GUCY2C: variants seen among roughly 807,000 people sequenced by gnomAD.
GUCY2C encodes guanylate cyclase 2C.
Under a neutral mutation model 131.1 loss-of-function variants are expected in GUCY2C, and 118 were observed. That is an observed-to-expected ratio of 0.90 (90% CI 0.78 to 1.05). The LOEUF (loss-of-function observed/expected upper bound fraction) is 1.05. Among genes scored for constraint, GUCY2C ranks in the 50% least tolerant of loss-of-function variants. GUCY2C has a pLI of 0.00. For synonymous variants in GUCY2C, 452 were observed against 457.8 expected (o/e 0.99, Z 0.16); for missense variants, 1,161 against 1,304.4 (o/e 0.89, Z 1.69).
chr12:14,616,952 A>G (rs1406268342), intron 24 of GUCY2C, among the ~76,000 whole-genome samples: 1 of 152,184 alleles, frequency 6.6e-6, no homozygotes, highest in African/African-American at 2.4e-5. Flanking sequence ...TTTAATCCCC[A>G]GTGCTGGAGT....
intron 1 of GUCY2C, among the ~76,000 whole-genome samples, chr12:14,694,896 G>A (rs1948630206): frequency 6.6e-6 from 1 of 152,090 alleles, no homozygotes; most frequent in African/African-American, 2.4e-5. Flanking sequence ...AAATGAAAAT[G>A]TTCATTGAAG....
At chr12:14,635,329 A>G (rs1378871292) in intron 19 of GUCY2C, among the ~76,000 whole-genome samples, 8 of 152,208 alleles carry the variant, frequency 5.3e-5, no homozygotes, top group Non-Finnish European at 1.2e-4. Context: ...AACTACACAA[A>G]TACATAAAAA....
At position 14,624,252 on chromosome 12, in the gene GUCY2C, C is replaced by G. The variant is rs775770370; in HGVS notation, c.2408+1505G>C. ...GGTCAGGAGTTCGAGACCAGTCTGG[C>G]CAACATGGTGAAACCCCCTCTCTAC... On this transcript the variant is annotated intron_variant, in intron 21 of 26. Coordinates refer to ENST00000261170, the MANE Select transcript of GUCY2C (RefSeq NM_004963.4). Among the ~76,000 whole-genome samples, 7 of 152,170 alleles carry G rather than the reference C, an allele frequency of 4.6e-5. No homozygotes were observed. The South Asian group carries it at 1.5e-3, about 32-fold the overall frequency.
chr12:14,686,815 A>C (rs754904014), intron 2 of GUCY2C, among the ~76,000 whole-genome samples: 1 of 152,126 alleles, frequency 6.6e-6, no homozygotes, highest in Non-Finnish European at 1.5e-5. Context: ...AGTTTATTGA[A>C]CTATGCTTGT....
intron 3 of GUCY2C, among the ~76,000 whole-genome samples, chr12:14,685,901 C>G (rs1948458939): frequency 6.6e-6 from 1 of 152,124 alleles, no homozygotes; most frequent in African/African-American, 2.4e-5. Context: ...TTCCTGCTTT[C>G]TCTCAAAACT....
chr12:14,675,607 T>C (rs1383344213), intron 7 of GUCY2C, among the ~76,000 whole-genome samples: 1 of 152,186 alleles, frequency 6.6e-6, no homozygotes, highest in Non-Finnish European at 1.5e-5. Flanking sequence ...GATTGGATAT[T>C]ACTTCATGCC....
chr12:14,661,200 G>T, intron 10 of GUCY2C, 138 bp from the exon 11 acceptor site: 1 of 615,324 alleles, frequency 1.6e-6, no homozygotes, highest in Non-Finnish European at 2.9e-6. Flanking sequence ...TTTCTCTCTG[G>T]TAATATAAGT....
intron 5 of GUCY2C, 84 bp downstream of exon 5, chr12:14,681,272 G>T: frequency 8.3e-7 from 1 of 1,207,746 alleles, no homozygotes; most frequent in Non-Finnish European, 1.2e-6. Context: ...CTCTGCAGTG[G>T]AGGATTTGTT....
At chr12:14,647,547 A>G (rs1336829711) in intron 15 of GUCY2C, among the ~76,000 whole-genome samples, 1 of 152,172 alleles carries the variant, frequency 6.6e-6, no homozygotes, top group Non-Finnish European at 1.5e-5. Flanking sequence ...TTCAGCTTCC[A>G]AAAGTTTAAC....
chr12:14,658,177 G>T (rs1475611684), intron 11 of GUCY2C, among the ~76,000 whole-genome samples: 2 of 151,738 alleles, frequency 1.3e-5, no homozygotes, highest in African/African-American at 4.8e-5. Context: ...TCTTATCCTT[G>T]TTAACTTACA....
At position 14,613,459 on chromosome 12, in the gene GUCY2C, T is replaced by A. The variant is rs1256035570; in HGVS notation, c.3048-168A>T. On this transcript the variant is annotated intron_variant, in intron 26 of 26. Coordinates refer to ENST00000261170, the MANE Select transcript of GUCY2C (RefSeq NM_004963.4). This position sits in a 1 kb window ranked among gnomAD's most constrained non-coding sequence, Gnocchi z 4.9. ...AAATGATCCCTGCCTTTGATGAGCT[T>A]AAAAAACTGTTATCTCTGCTAGGAA... Among the ~76,000 whole-genome samples the A allele has an allele frequency of 6.6e-6, 1 of 152,096 alleles. No homozygotes were observed. Among genetic ancestry groups the A allele is most frequent in the Non-Finnish European group, 1.5e-5 (1 of 67,996 alleles).
intron 15 of GUCY2C, among the ~76,000 whole-genome samples, chr12:14,650,329 C>T (rs1010511523): frequency 1.3e-5 from 2 of 152,152 alleles, no homozygotes; most frequent in African/African-American, 4.8e-5. Flanking sequence ...CTCACTGCAA[C>T]CTCTGACTCC....
intron 1 of GUCY2C, among the ~76,000 whole-genome samples, chr12:14,696,031 C>G (rs749041527): frequency 2.0e-5 from 3 of 152,114 alleles, no homozygotes; most frequent in Non-Finnish European, 2.9e-5. Flanking sequence ...AGTCCCAGAG[C>G]AAGGTGAAGT....
intron 19 of GUCY2C, among the ~76,000 whole-genome samples, chr12:14,637,195 C>CAAA (rs1947288272): frequency 9.6e-5 from 1 of 10,428 alleles, no homozygotes; most frequent in Admixed American, 1.4e-3. Context: ...ACAATAGCTA[C>CAAA]CAAAAAAAAA....
intron 23 of GUCY2C, 180 bp from the exon 24 acceptor site, chr12:14,619,489 A>G: frequency 1.8e-6 from 1 of 540,868 alleles, no homozygotes; most frequent in Non-Finnish European, 3.3e-6. Flanking sequence ...ATGAAGCATC[A>G]TTATTCAATG....
intron 24 of GUCY2C, among the ~76,000 whole-genome samples, chr12:14,617,425 G>A (rs922319274): frequency 1.3e-5 from 2 of 152,128 alleles, no homozygotes; most frequent in South Asian, 2.1e-4. Flanking sequence ...AGTAGCCTGC[G>A]GGACCTAGTT....
chr12:14,621,189 C>CCA lies in GUCY2C; in HGVS notation c.2627_2628dup (p.Val877TrpfsTer16). On this transcript the variant is annotated frameshift_variant, in exon 23 of 27. Transcript: ENST00000261170. LOFTEE classifies it high-confidence loss of function. ...TTTCTCTTAGGCAAACCACTAGCCA[C>CCA]CATGTACGCATCACCGATGGTTTCC... 1.2e-6 allele frequency: 2 copies of CCA among 1,613,580 alleles called. No individual in the cohort carries two copies. The highest frequency in any genetic ancestry group is 2.2e-5 in the South Asian group (2 of 91,062).
At chr12:14,635,580 T>A (rs1222018479) in intron 19 of GUCY2C, among the ~76,000 whole-genome samples, 2 of 151,786 alleles carry the variant, frequency 1.3e-5, no homozygotes, top group Non-Finnish European at 2.9e-5. Context: ...CCAAAGTTCG[T>A]AGAGGGAAAG....
chr12:14,618,232 T>A (rs1370443841), intron 24 of GUCY2C, among the ~76,000 whole-genome samples: 3 of 152,246 alleles, frequency 2.0e-5, no homozygotes, highest in Admixed American at 6.5e-5. Context: ...TGGTTGGGTA[T>A]GATGGCTCTT....
Sources: gnomAD v4.1 joint callset for allele counts (sites outside exome capture counted in the v4.1 genomes callset) on GRCh38, gnomAD v4.1.1 for gene constraint, Gnocchi (gnomAD v3.1) non-coding constraint, MANE v1.5 for transcripts, NCBI Gene and HGNC (gene_info 2026-07-23, HGNC 2026-07-21) for gene names.